The following ZBED1 variants were observed in gnomAD, a reference collection of about 807,000 sequenced individuals.
ZBED1 encodes E3 SUMO-protein ligase ZBED1.
Under a neutral mutation model 49.7 loss-of-function variants are expected in ZBED1, and 19 were observed. The ratio of observed to expected loss-of-function variants is 0.38; its 90% CI spans 0.27 to 0.56. The LOEUF (loss-of-function observed/expected upper bound fraction) is 0.56, where lower values mean the gene tolerates loss of function less well. Ranked by LOEUF, ZBED1 falls within the 20% of genes least tolerant of loss-of-function variation. The pLI, the probability that ZBED1 is intolerant of heterozygous loss-of-function variation, is 0.70. For missense variants in ZBED1, 806 were observed against 972.6 expected, an observed-to-expected ratio of 0.83 and a Z score of 2.28; for synonymous variants, 439 against 440.3, an observed-to-expected ratio of 1.00 and a Z score of 0.04.
chrX:2,493,994 A>G (rs942855338), intron 1 of ZBED1, among the ~76,000 whole-genome samples: 1 of 151,816 alleles, frequency 6.6e-6, no homozygotes, highest in African/African-American at 2.4e-5. Context: ...AAAACAAAAA[A>G]AAAGATATAT....
In ZBED1 at chrX:2,488,882, G is replaced by T. The variant is rs2045035220; in HGVS notation, c.1838C>A (p.Ala613Asp). The change falls in exon 2 of 2, where the codon GCC becomes GAC. Residue 613 changes from alanine (A) to aspartate (D), a missense_variant. By Grantham distance (126) the Ala-to-Asp change is moderately radical (BLOSUM62 -2). Transcript: ENST00000652001. ...KVLQKYWCVT[A>D]TRVAPERLFG... ...GAGACGCTCAGGGGCGACGCGCGTG[G>T]CCGTCACGCACCAGTACTTCTGCAG... 6.2e-7 allele frequency: 1 copy of T among 1,611,756 alleles called. No homozygotes were observed. Among genetic ancestry groups the T allele is most frequent in the Admixed American group, 1.7e-5 (1 of 59,888 alleles).
At position 2,500,858 on chromosome X, in the gene ZBED1, G is replaced by A; in HGVS notation, c.-95C>T. 1.7e-6 allele frequency: 2 copies of A among 1,161,358 alleles called. No individual in the cohort carries two copies. The highest frequency in any genetic ancestry group is 3.6e-4 in the Middle Eastern group (1 of 2,762). 71.9% of individuals were successfully genotyped at this position (1,161,358 alleles called of 1,614,324 possible). On this transcript the variant is annotated 5_prime_UTR_variant, in exon 1 of 2. Coordinates refer to ENST00000652001, the MANE Select transcript of ZBED1 (RefSeq NM_001171136.2). The stretch of plus-strand genomic sequence containing the variant: ...CCCGCGGCAGCGCCGCAGCAGCTGC[G>A]CCAGGATCACCGCGGCGCCTACCGC...
Position 2,489,467 on chromosome X carries a change from G to A in ZBED1, c.1253C>T (p.Thr418Ile). 6.2e-7 allele frequency: 1 copy of A among 1,613,866 alleles called. No individual in the cohort carries two copies. The highest frequency in any genetic ancestry group is 8.5e-7 in the Non-Finnish European group (1 of 1,179,862). The change falls in exon 2 of 2, where the codon ACC (threonine) becomes ATC (isoleucine). Residue 418 changes from threonine (T) to isoleucine (I), a missense_variant. Transcript: ENST00000652001. ...CAGCAGCGGCTTCACCATGCTGATG[G>A]TGGGGTACCTGGAGGCCGACAGCAT... Reference protein sequence around the residue: ...AEMLSASRYPTISMVKPLLHM... With the variant: ...AEMLSASRYPIISMVKPLLHM...
rs887516466 is a variant in ZBED1, at chrX:2,492,436, G to A, written c.-53-1664C>T. 1.7e-4 allele frequency among the ~76,000 whole-genome samples: 26 copies of A among 151,574 alleles called. 1 individual carries two copies. Among genetic ancestry groups the A allele is most frequent in the Non-Finnish European group, 1.0e-4 (7 of 67,884 alleles). ...GATCCTCCTCTAGAGCCTCCACAAT[G>A]AACTGGATAAAATCATGGTGGATTG... is the stretch of plus-strand genomic sequence containing the variant. On this transcript the variant is annotated intron_variant, in intron 1 of 1. Transcript: ENST00000652001.
At chrX:2,500,246 C>A (rs1353287116) in intron 1 of ZBED1, 1 of 155,782 alleles carries the variant, frequency 6.4e-6, no homozygotes, top group Non-Finnish European at 1.4e-5. Flanking sequence ...CTCCCCAGTG[C>A]CCGAGAAGCC....
chrX:2,491,403 TTCCTG>T (rs1353053951), intron 1 of ZBED1, among the ~76,000 whole-genome samples: 1 of 152,102 alleles, frequency 6.6e-6, no homozygotes, highest in Non-Finnish European at 1.5e-5. Flanking sequence ...GGGCTTGTTG[TTCCTG>T]TCCTAAGAGT....
At chrX:2,500,534 C>G (rs1292086502) in intron 1 of ZBED1, 1 of 164,312 alleles carries the variant, frequency 6.1e-6, no homozygotes, top group African/African-American at 2.4e-5. Context: ...CGACCCGGGA[C>G]AGGCGGGGAG....
rs1303524811 is a variant in ZBED1, at chrX:2,487,996, A to G, written c.*639T>C. 6.6e-6 allele frequency: 1 copy of G among 151,370 alleles called. No individual in the cohort carries two copies. The highest frequency in any genetic ancestry group is 1.5e-5 in the Non-Finnish European group (1 of 67,898). 9.4% of individuals were successfully genotyped at this position (151,370 alleles called of 1,614,324 possible). On this transcript the variant is annotated 3_prime_UTR_variant, in exon 2 of 2. Transcript: ENST00000652001. ...CAGAATGTTCCTGCGTTTCTTCTAA[A>G]CCCTCCCAGGGAGAACTCGAATCAG...
chrX:2,495,685 G>A (rs921167471), intron 1 of ZBED1, among the ~76,000 whole-genome samples: 22 of 150,714 alleles, frequency 1.5e-4, no homozygotes, highest in Non-Finnish European at 2.4e-4. Context: ...CAGCGCTTCC[G>A]AGCACACAAG....
intron 1 of ZBED1, among the ~76,000 whole-genome samples, chrX:2,497,106 G>A (rs4892933): frequency 0.63 from 95,907 of 151,910 alleles, 30,470 homozygotes; most frequent in South Asian, 0.73. Flanking sequence ...TATGATCAAG[G>A]AATTGGAGGC....
rs371214650 is a variant in ZBED1, at chrX:2,488,879, G to A, written c.1841C>T (p.Thr614Met). ...GAAGAGACGCTCAGGGGCGACGCGCGTGGCCGTCACGCACCAGTACTTCTG... is the reference window on the plus strand; with the variant it reads ...GAAGAGACGCTCAGGGGCGACGCGCATGGCCGTCACGCACCAGTACTTCTG... ...VLQKYWCVTA[T>M]RVAPERLFGS... The change falls in exon 2 of 2, where the codon ACG becomes ATG. Residue 614 changes from threonine to methionine, a missense_variant. Thr to Met is a moderately conservative substitution (Grantham distance 81, BLOSUM62 -1). Around this residue, in one of 2 missense-constraint regions of ZBED1, gnomAD observed 749 missense variants for 861.3 expected, o/e 0.87. Coordinates refer to ENST00000652001, the MANE Select transcript of ZBED1 (RefSeq NM_001171136.2). 32 of 1,612,170 alleles carry A rather than the reference G, an allele frequency of 2.0e-5. No homozygotes were observed. In the Middle Eastern group the frequency reaches 1.3e-3, roughly 67 times the overall value.
rs747835481 is a variant in ZBED1, at chrX:2,489,794, C to T, written c.926G>A (p.Gly309Glu). ...TTTGCGGCAGCGCGACAGCAGCGCCCCCAGCTTCGGGAGCTGGAAGGCCTG... is the reference window on the plus strand; with the variant it reads ...TTTGCGGCAGCGCGACAGCAGCGCCTCCAGCTTCGGGAGCTGGAAGGCCTG... Reference protein sequence around the residue: ...IQQAFQLPKLGALLSRCRKLV... With the variant: ...IQQAFQLPKLEALLSRCRKLV... Residue 309 changes from glycine (G) to glutamate (E), a missense_variant, in exon 2 of 2, where the codon GGG becomes GAG. Coordinates refer to ENST00000652001, the MANE Select transcript of ZBED1 (RefSeq NM_001171136.2). 2 of 1,613,476 alleles carry T rather than the reference C, an allele frequency of 1.2e-6. No individual in the cohort carries two copies. Among genetic ancestry groups the T allele is most frequent in the South Asian group, 2.2e-5 (2 of 91,054 alleles).
intron 1 of ZBED1, among the ~76,000 whole-genome samples, chrX:2,491,990 G>A (rs1481279741): frequency 6.6e-6 from 1 of 152,194 alleles, no homozygotes; most frequent in Admixed American, 6.5e-5. Flanking sequence ...AGGTGTAATT[G>A]TGTCTCCAAG....
At chrX:2,495,803 A>G (rs2045269920) in intron 1 of ZBED1, among the ~76,000 whole-genome samples, 1 of 152,038 alleles carries the variant, frequency 6.6e-6, no homozygotes, top group Non-Finnish European at 1.5e-5. Flanking sequence ...ACACTCCCCA[A>G]AACGCTCTCA....
At position 2,486,436 on chromosome X, in the gene ZBED1, G is replaced by A. The variant is rs1569506353; in HGVS notation, c.*2199C>T. The A allele has an allele frequency of 6.6e-6, 1 of 152,174 alleles. No homozygotes were observed. The highest frequency in any genetic ancestry group is 1.5e-5 in the Non-Finnish European group (1 of 68,040). The allele number at this position is 152,174 out of a possible 1,614,324, so 9.4% of individuals were successfully genotyped here. A position where few individuals can be genotyped will look rare whatever the true frequency, so the allele number is the denominator to read the frequency against. On this transcript the variant is annotated 3_prime_UTR_variant, in exon 2 of 2. Transcript: ENST00000652001. ...GCAGACAAATGAATGAGGAGCTAAT[G>A]CATTGCTCTGGTTTATTGAACAACA... is the stretch of plus-strand genomic sequence containing the variant.
In ZBED1 at chrX:2,488,480, T is replaced by C. The variant is rs957878423; in HGVS notation, c.*155A>G. 4 of 1,055,084 alleles carry C rather than the reference T, an allele frequency of 3.8e-6. No individual in the cohort carries two copies. In the African/African-American group the frequency reaches 6.5e-5, roughly 17 times the overall value. 65.4% of individuals were successfully genotyped at this position (1,055,084 alleles called of 1,614,324 possible). A position where few individuals can be genotyped will look rare whatever the true frequency, so the allele number is the denominator to read the frequency against. The stretch of plus-strand genomic sequence containing the variant: ...AGGAGCCACCGCCCCCGACCCTCTC[T>C]CACTTCTCAAATCTCTTTCCTTTTT... On this transcript the variant is annotated 3_prime_UTR_variant, in exon 2 of 2. Coordinates refer to ENST00000652001, the MANE Select transcript of ZBED1 (RefSeq NM_001171136.2).
In ZBED1 at chrX:2,487,700, A is replaced by G. The variant is rs17842876; in HGVS notation, c.*935T>C. ...AGCAGGAAGCAGGCTCTCTGGCAGCAACCTGTCGAAAATACAACACATTCC... is the reference window on the plus strand; with the variant it reads ...AGCAGGAAGCAGGCTCTCTGGCAGCGACCTGTCGAAAATACAACACATTCC... On this transcript the variant is annotated 3_prime_UTR_variant, in exon 2 of 2. Coordinates refer to ENST00000652001, the MANE Select transcript of ZBED1 (RefSeq NM_001171136.2). 0.31 allele frequency: 47,721 copies of G among 151,938 alleles called. 8,019 individuals are homozygous for G. The highest frequency in any genetic ancestry group is 0.42 in the African/African-American group (17,365 of 41,418). The allele number at this position is 151,938 out of a possible 1,614,324, so 9.4% of individuals were successfully genotyped here. A position where few individuals can be genotyped will look rare whatever the true frequency, so the allele number is the denominator to read the frequency against.
rs772302655 is a variant in ZBED1 at position 2,490,015 on chromosome X, G to A, written c.705C>T (p.Thr235=). ...CLSMGSRCLK[T]FEVPEENTAE... is the part of the protein sequence containing the mutation. Reference sequence around the variant, plus strand: ...CCGTGTTCTCTTCGGGCACCTCGAAGGTCTTCAGGCAGCGGGAGCCCATGG... The same window carrying A: ...CCGTGTTCTCTTCGGGCACCTCGAAAGTCTTCAGGCAGCGGGAGCCCATGG... Residue 235 remains threonine (T), a synonymous_variant, in exon 2 of 2, where the codon ACC becomes ACT. Coordinates refer to ENST00000652001, the MANE Select transcript of ZBED1 (RefSeq NM_001171136.2). 3 of 1,613,880 alleles carry A rather than the reference G, an allele frequency of 1.9e-6. No individual in the cohort carries two copies. The African/African-American group carries it at 4.0e-5, about 21-fold the overall frequency.
chrX:2,490,348 C>T lies in ZBED1; in HGVS notation c.372G>A (p.Gln124=). The T allele has an allele frequency of 6.2e-7, 1 of 1,613,400 alleles. No individual in the cohort carries two copies. Among genetic ancestry groups the T allele is most frequent in the Non-Finnish European group, 8.5e-7 (1 of 1,179,812 alleles). Reference sequence around the variant, plus strand: ...GGCCCAGCACGGCGGCCGTCAGCTCCTGCTGCTTCTTGCTGTCGTAGCCGT... The same window carrying T: ...GGCCCAGCACGGCGGCCGTCAGCTCTTGCTGCTTCTTGCTGTCGTAGCCGT... ...AGHGYDSKKQ[Q]ELTAAVLGLI... Residue 124 remains glutamine, a synonymous_variant, in exon 2 of 2, where the codon CAG becomes CAA. Coordinates refer to ENST00000652001, the MANE Select transcript of ZBED1 (RefSeq NM_001171136.2).
Sources: allele counts gnomAD v4.1 joint callset (sites outside exome capture counted in the v4.1 genomes callset), GRCh38; gene constraint gnomAD v4.1.1; regional missense constraint gnomAD v4.1.1; transcripts MANE v1.5; gene names NCBI Gene and HGNC (gene_info 2026-07-23, HGNC 2026-07-21).